FAT3: variants seen among roughly 807,000 people sequenced by gnomAD.
The protein encoded by FAT3 is FAT atypical cadherin 3.
A neutral mutation model predicts 310.2 loss-of-function variants in FAT3; 95 were observed. The observed-to-expected ratio is 0.31, with a 90% CI of 0.26 to 0.36. FAT3 has a LOEUF of 0.36. FAT3 is among the 10% of genes least tolerant of loss of function. The pLI is 1.00. For synonymous variants in FAT3, 2,314 were observed against 2,192.9 expected (o/e 1.06, Z -1.54); for missense variants, 5,408 against 5,715.6 (o/e 0.95, Z 1.74).
intron 1 of FAT3, among the ~76,000 whole-genome samples, chr11:92,320,110 G>GTGAGAGTGCC (rs1947571345): frequency 1.3e-5 from 2 of 152,198 alleles, no homozygotes; most frequent in African/African-American, 4.8e-5. Flanking sequence ...CAAAACTCTG[G>GTGAGAGTGCC]CAGGTGAGAA....
chr11:92,234,746 A>T (rs1864342998), intron 1 of FAT3, among the ~76,000 whole-genome samples: 1 of 152,134 alleles, frequency 6.6e-6, no homozygotes, highest in East Asian at 1.9e-4. Flanking sequence ...TACTAAAAAT[A>T]TAAAAATTAG....
intron 1 of FAT3, among the ~76,000 whole-genome samples, chr11:92,323,877 A>G (rs1024173624): frequency 2.6e-5 from 4 of 152,218 alleles, no homozygotes; most frequent in African/African-American, 9.6e-5. Flanking sequence ...TCTTCTTTCA[A>G]TAGAAGTCTG....
intron 13 of FAT3, among the ~76,000 whole-genome samples, chr11:92,829,155 A>G (rs1948175022): frequency 6.6e-6 from 1 of 152,230 alleles, no homozygotes; most frequent in Non-Finnish European, 1.5e-5. Flanking sequence ...CAAAGAGCCT[A>G]AGGAAAACAG....
At chr11:92,360,616 C>T (rs143324394) in intron 2 of FAT3, among the ~76,000 whole-genome samples, 98 of 152,286 alleles carry the variant, frequency 6.4e-4, no homozygotes, top group African/African-American at 2.3e-3. Context: ...TCAATGGTTT[C>T]ACCCTTTCTA....
In FAT3 at chr11:92,844,106, T is replaced by A; in HGVS notation, c.10739T>A (p.Met3580Lys). Residue 3580 changes from methionine (M) to lysine (K), a missense_variant, in exon 19 of 28, where the codon ATG (methionine) becomes AAG (lysine). This residue lies in a region of FAT3 where 4,588 missense variants were observed against 4,809.8 expected (regional missense o/e 0.95). Transcript: ENST00000525166. Reference protein sequence around the residue: ...IGKIHATDQDMYDVLTFALKS... With the variant: ...IGKIHATDQDKYDVLTFALKS... ...AAGATTCATGCCACAGATCAAGACA[T>A]GTATGATGTGCTCACATTTGCCCTG... 1 of 1,613,944 alleles carries A rather than the reference T, an allele frequency of 6.2e-7. No individual in the cohort carries two copies. The highest frequency in any genetic ancestry group is 8.5e-7 in the Non-Finnish European group (1 of 1,179,882).
intron 2 of FAT3, among the ~76,000 whole-genome samples, chr11:92,359,089 A>T (rs1948810564): frequency 6.6e-6 from 1 of 152,134 alleles, no homozygotes; most frequent in African/African-American, 2.4e-5. Flanking sequence ...AATTATCGTC[A>T]TTCAGTAGGT....
At chr11:92,374,557 A>G (rs1401850880) in intron 2 of FAT3, among the ~76,000 whole-genome samples, 1 of 152,118 alleles carries the variant, frequency 6.6e-6, no homozygotes, top group Non-Finnish European at 1.5e-5. Flanking sequence ...TCTGATAACT[A>G]CTCTTTGTGA....
chr11:92,552,943 C>T (rs1345100128), intron 3 of FAT3, among the ~76,000 whole-genome samples: 1 of 127,774 alleles, frequency 7.8e-6, no homozygotes, highest in Non-Finnish European at 1.6e-5. Flanking sequence ...GAGTGAGACA[C>T]GTTCAAACAA....
At chr11:92,740,642 C>G (rs1358238461) in intron 4 of FAT3, among the ~76,000 whole-genome samples, 1 of 152,098 alleles carries the variant, frequency 6.6e-6, no homozygotes, top group African/African-American at 2.4e-5. Flanking sequence ...ATTTCTGAAT[C>G]CATGTGATTT....
intron 3 of FAT3, among the ~76,000 whole-genome samples, chr11:92,660,258 G>A (rs1162867241): frequency 6.6e-6 from 1 of 151,698 alleles, no homozygotes; most frequent in Non-Finnish European, 1.5e-5. Flanking sequence ...ATGACCATTT[G>A]TGCTGCTGGG....
In FAT3 at chr11:92,353,714, G is replaced by A; in HGVS notation, c.1602G>A (p.Leu534=). Residue 534 remains leucine, a synonymous_variant, in exon 2 of 28, where the codon CTG becomes CTA. Transcript: ENST00000525166. ...FTGVISTTEE[L]DFESSPEIYR... ...GTGTTATTAGCACAACTGAAGAACT[G>A]GATTTTGAATCCTCCCCAGAAATTT... 5 of 1,613,920 alleles carry A rather than the reference G, an allele frequency of 3.1e-6. No homozygotes were observed. The highest frequency in any genetic ancestry group is 4.2e-6 in the Non-Finnish European group (5 of 1,179,880).
At chr11:92,723,099 T>C (rs1944909725) in intron 4 of FAT3, among the ~76,000 whole-genome samples, 1 of 152,212 alleles carries the variant, frequency 6.6e-6, no homozygotes, top group Admixed American at 6.5e-5. Flanking sequence ...GGATTTTCTT[T>C]TCTATTGCAT....
chr11:92,524,030 T>A (rs1211588863), intron 2 of FAT3, among the ~76,000 whole-genome samples: 4 of 152,130 alleles, frequency 2.6e-5, no homozygotes, highest in Non-Finnish European at 5.9e-5. Flanking sequence ...ATATGACCTC[T>A]TCTCTGATTA....
intron 3 of FAT3, among the ~76,000 whole-genome samples, chr11:92,630,056 A>G (rs992400232): frequency 2.0e-5 from 3 of 152,038 alleles, no homozygotes; most frequent in African/African-American, 7.2e-5. Context: ...TCTCATCTTA[A>G]TCACTCATCA....
chr11:92,861,928 T>G (rs1300920168), intron 21 of FAT3, among the ~76,000 whole-genome samples: 1 of 152,198 alleles, frequency 6.6e-6, no homozygotes, highest in Non-Finnish European at 1.5e-5. Flanking sequence ...GGGCGCCCCT[T>G]ACAGACAATT....
intron 3 of FAT3, among the ~76,000 whole-genome samples, chr11:92,620,177 A>G (rs1036649203): frequency 6.6e-6 from 1 of 152,138 alleles, no homozygotes; most frequent in African/African-American, 2.4e-5. Flanking sequence ...TACTTTTGCT[A>G]TTAATTTCTA....
Position 92,355,055 on chromosome 11 carries a change from G to C in FAT3, c.2943G>C (p.Gly981=). 6.2e-7 allele frequency: 1 copy of C among 1,613,758 alleles called. No homozygotes were observed. Among genetic ancestry groups the C allele is most frequent in the East Asian group, 2.2e-5 (1 of 44,868 alleles). The change falls in exon 2 of 28, where the codon GGG becomes GGC. Residue 981 remains glycine (G), a synonymous_variant. Transcript: ENST00000525166. ...VRYSLVNDYN[G]RFEIDKASGA... Reference sequence around the variant, plus strand: ...ATTCTTTGGTCAATGACTATAATGGGAGATTTGAAATAGATAAAGCAAGTG... The same window carrying C: ...ATTCTTTGGTCAATGACTATAATGGCAGATTTGAAATAGATAAAGCAAGTG...
intron 2 of FAT3, among the ~76,000 whole-genome samples, chr11:92,492,469 G>A (rs928492268): frequency 6.6e-6 from 1 of 152,030 alleles, no homozygotes; most frequent in Non-Finnish European, 1.5e-5. Context: ...GAGATAATAC[G>A]TGAATAATCT....
intron 21 of FAT3, 81 bp from the exon 22 acceptor site, chr11:92,866,660 C>G (rs563136009): frequency 7.7e-7 from 1 of 1,295,652 alleles, no homozygotes; most frequent in Non-Finnish European, 1.0e-6. Flanking sequence ...GTGAAGCCCC[C>G]GGGCCGGCCA....
Sources: gnomAD v4.1 joint callset for allele counts (sites outside exome capture counted in the v4.1 genomes callset) on GRCh38, gnomAD v4.1.1 for gene constraint, gnomAD v4.1.1 regional missense constraint, MANE v1.5 for transcripts, NCBI Gene and HGNC (gene_info 2026-07-23, HGNC 2026-07-21) for gene names.